The following SSBP2 variants were observed in gnomAD, a reference collection of about 807,000 sequenced individuals.
SSBP2 encodes single-stranded DNA-binding protein 2.
In SSBP2, 17 loss-of-function variants were observed where a neutral mutation model predicts 61.8. That is an observed-to-expected ratio of 0.28 (90% CI 0.19 to 0.41). The LOEUF is 0.41. Ranked by LOEUF, SSBP2 falls within the 10% of genes least tolerant of loss-of-function variation. The pLI is 1.00. For synonymous variants in SSBP2, 139 were observed against 141.3 expected (o/e 0.98, Z 0.12); for missense variants, 310 against 458.7 (o/e 0.68, Z 2.96).
intron 10 of SSBP2, among the ~76,000 whole-genome samples, chr5:81,455,694 C>T (rs1009247886): frequency 4.9e-5 from 7 of 143,564 alleles, no homozygotes; most frequent in Non-Finnish European, 1.1e-4. Context: ...ATATTAAATA[C>T]TCATTAAGAT....
chr5:81,602,040 C>A (rs763165995), intron 4 of SSBP2, among the ~76,000 whole-genome samples: 3 of 152,242 alleles, frequency 2.0e-5, no homozygotes, highest in Non-Finnish European at 2.9e-5. Flanking sequence ...GTAACCAGTA[C>A]CTTGATCAGA....
chr5:81,697,133 T>C (rs1207962416), intron 1 of SSBP2, among the ~76,000 whole-genome samples: 1 of 152,248 alleles, frequency 6.6e-6, no homozygotes, highest in Non-Finnish European at 1.5e-5. Context: ...CCAAAGATGT[T>C]ATCTACCCAA....
intron 5 of SSBP2, among the ~76,000 whole-genome samples, chr5:81,509,518 T>C (rs1327872525): frequency 1.3e-5 from 2 of 152,218 alleles, no homozygotes; most frequent in Non-Finnish European, 2.9e-5. Flanking sequence ...AGGAAACCAA[T>C]GCTGATATTT....
intron 1 of SSBP2, among the ~76,000 whole-genome samples, chr5:81,742,421 A>G (rs987179236): frequency 4.6e-5 from 7 of 152,240 alleles, no homozygotes; most frequent in African/African-American, 1.4e-4. Context: ...CTATTGTGAC[A>G]TATTTCCAAT....
chr5:81,729,564 A>G lies in SSBP2; in HGVS notation c.62+21417T>C, dbSNP rs575270145. 2.0e-5 allele frequency among the ~76,000 whole-genome samples: 3 copies of G among 152,296 alleles called. No homozygotes were observed. The East Asian group carries it at 5.8e-4, about 29-fold the overall frequency. ...CCTGACATGAACCAATGATAATACC[A>G]TGCCATGAACTGAGGAGTATTAACT... On this transcript the variant is annotated intron_variant, in intron 1 of 16. Transcript: ENST00000320672.
chr5:81,429,131 A>G (rs1461820612), intron 15 of SSBP2, among the ~76,000 whole-genome samples: 1 of 152,200 alleles, frequency 6.6e-6, no homozygotes, highest in Non-Finnish European at 1.5e-5. Context: ...TTAATTCTAC[A>G]TGCAGTATAC....
chr5:81,590,307 T>C (rs1007157640), intron 4 of SSBP2, among the ~76,000 whole-genome samples: 5 of 152,204 alleles, frequency 3.3e-5, no homozygotes, highest in African/African-American at 1.2e-4. Context: ...TATGATTATA[T>C]ATTGAGGAGT....
intron 13 of SSBP2, 148 bp downstream of exon 13, chr5:81,442,505 G>A (rs1732829939): frequency 3.8e-6 from 2 of 522,878 alleles, no homozygotes; most frequent in South Asian, 3.1e-5. Flanking sequence ...TTTTAACCCA[G>A]CTCAGAGAAA....
chr5:81,583,717 G>C (rs929131962), intron 4 of SSBP2, among the ~76,000 whole-genome samples: 2 of 151,464 alleles, frequency 1.3e-5, no homozygotes, highest in Non-Finnish European at 2.9e-5. Context: ...TGCTCAACTA[G>C]AATATTTTAG....
At chr5:81,437,723 C>T in intron 14 of SSBP2, 1 of 247,532 alleles carries the variant, frequency 4.0e-6, no homozygotes, top group Non-Finnish European at 7.8e-6. Flanking sequence ...ATCATAGATT[C>T]CTAAATGTGA....
intron 1 of SSBP2, among the ~76,000 whole-genome samples, chr5:81,686,037 TA>T (rs1752748191): frequency 6.6e-6 from 1 of 152,162 alleles, no homozygotes; most frequent in Non-Finnish European, 1.5e-5. Flanking sequence ...GGTTAGACAG[TA>T]AGAAAGGTAG....
intron 8 of SSBP2, among the ~76,000 whole-genome samples, chr5:81,469,065 T>G (rs1765077081): frequency 6.6e-6 from 1 of 151,956 alleles, no homozygotes; most frequent in Admixed American, 6.6e-5. Context: ...TTTCCCCTCA[T>G]TTTTGATCTT....
chr5:81,603,247 C>T (rs1157741140), intron 4 of SSBP2, among the ~76,000 whole-genome samples: 1 of 152,218 alleles, frequency 6.6e-6, no homozygotes, highest in Non-Finnish European at 1.5e-5. Flanking sequence ...ACTCAGGTGG[C>T]TAGTGCCTAG....
chr5:81,677,071 T>G (rs1397492565), intron 1 of SSBP2, among the ~76,000 whole-genome samples: 1 of 152,152 alleles, frequency 6.6e-6, no homozygotes, highest in East Asian at 1.9e-4. Flanking sequence ...CAAGTTTACT[T>G]TAGTCTCAGA....
At chr5:81,681,589 A>G (rs917978862) in intron 1 of SSBP2, among the ~76,000 whole-genome samples, 12 of 150,644 alleles carry the variant, frequency 8.0e-5, no homozygotes, top group African/African-American at 2.7e-4. Flanking sequence ...GTGCATAGAG[A>G]GAATGTTATA....
rs768714109 is a variant in SSBP2 at position 81,544,294 on chromosome 5, C to A, written c.283-30577G>T. On this transcript the variant is annotated intron_variant, in intron 4 of 16. Coordinates refer to ENST00000320672, the MANE Select transcript of SSBP2 (RefSeq NM_012446.5). ...CAACTCCTGACCTCGTGATCCGCCC[C>A]CCTCAGCCACCCAAGGTGCTTGGAT... Among the ~76,000 whole-genome samples the A allele has an allele frequency of 2.2e-4, 33 of 152,228 alleles. No individual in the cohort carries two copies. The South Asian group carries it at 2.9e-3, about 13-fold the overall frequency.
chr5:81,615,256 T>G, intron 4 of SSBP2: 2 of 441,374 alleles, frequency 4.5e-6, no homozygotes. Flanking sequence ...TTTAATAGCT[T>G]AGAATTAGGC....
At chr5:81,716,927 T>C (rs554383463) in intron 1 of SSBP2, among the ~76,000 whole-genome samples, 217 of 152,344 alleles carry the variant, frequency 1.4e-3, no homozygotes, top group Non-Finnish European at 2.7e-3. Context: ...TTATAATTTT[T>C]ATACAATTAA....
At chr5:81,420,986 G>C (rs1187924688) in intron 16 of SSBP2, among the ~76,000 whole-genome samples, 1 of 152,112 alleles carries the variant, frequency 6.6e-6, no homozygotes, top group Non-Finnish European at 1.5e-5. Context: ...AAAGGGGCTT[G>C]GGGAAGATGA....
Sources: allele counts gnomAD v4.1 joint callset (sites outside exome capture counted in the v4.1 genomes callset), GRCh38; gene constraint gnomAD v4.1.1; transcripts MANE v1.5; gene names NCBI Gene and HGNC (gene_info 2026-07-23, HGNC 2026-07-21).